The following RSPH14 variants were observed in gnomAD, a reference collection of about 807,000 sequenced individuals.
RSPH14 encodes the protein radial spoke head 14 homolog.
In RSPH14, 20 loss-of-function variants were observed where a neutral mutation model predicts 26.7. The observed-to-expected ratio is 0.75, with a 90% CI of 0.53 to 1.09. The LOEUF is 1.09. Among genes scored for constraint, RSPH14 ranks in the 50% least tolerant of loss-of-function variants. RSPH14 has a pLI of 0.00. For missense variants in RSPH14, 449 were observed against 457.2 expected (o/e 0.98, Z 0.16); for synonymous variants, 177 against 189.3 (o/e 0.93, Z 0.53).
the RSPH14 span, chr22:23,152,528 T>C: frequency 1.9e-6 from 3 of 1,614,042 alleles, no homozygotes; most frequent in Admixed American, 1.7e-5. Flanking sequence ...CATCCACAGG[T>C]ACAAGGCTTC....
chr22:23,064,816 G>A (rs2068169991), intron 4 of RSPH14, among the ~76,000 whole-genome samples: 1 of 152,144 alleles, frequency 6.6e-6, no homozygotes, highest in African/African-American at 2.4e-5. Flanking sequence ...ATGAGGCAAG[G>A]CTCCCCCATA....
chr22:23,122,118 C>A (rs1164510549), intron 4 of RSPH14, among the ~76,000 whole-genome samples: 1 of 152,194 alleles, frequency 6.6e-6, no homozygotes, highest in East Asian at 1.9e-4. Flanking sequence ...ATCTTAGAAG[C>A]AGGGGTAGCT....
At chr22:23,145,258 A>G (rs1442635019), upstream of RSPH14, 4 of 189,292 alleles carry the variant, frequency 2.1e-5, no homozygotes, top group East Asian at 1.2e-4. Context: ...CCCACCGCCC[A>G]CCCATCCAGC....
intron 4 of RSPH14, among the ~76,000 whole-genome samples, chr22:23,084,505 A>G (rs2068764204): frequency 6.6e-6 from 1 of 152,208 alleles, no homozygotes; most frequent in Non-Finnish European, 1.5e-5. Flanking sequence ...GTCAAGGAGC[A>G]TCTGTAGGTG....
At chr22:23,070,370 C>CGGCGGGCGGCGGGCGGCGCGGGAG (rs2068321921) in intron 4 of RSPH14, 2 of 144,120 alleles carry the variant, frequency 1.4e-5, no homozygotes, top group African/African-American at 2.5e-5. Context: ...GGGCGGCGGG[C>CGGCGGGCGGCGGGCGGCGCGGGAG]GGCGGGCGGC....
chr22:23,157,939 C>G, the RSPH14 span: 2 of 1,611,378 alleles, frequency 1.2e-6, no homozygotes, highest in South Asian at 1.1e-5. Flanking sequence ...GGGGAGCCCC[C>G]TTGCTCGCCT....
chr22:23,114,587 G>C (rs559215190), intron 4 of RSPH14, among the ~76,000 whole-genome samples: 54 of 152,362 alleles, frequency 3.5e-4, no homozygotes, highest in African/African-American at 1.3e-3. Context: ...ATCTGCAGCA[G>C]TGCCAGCTGC....
intron 4 of RSPH14, among the ~76,000 whole-genome samples, chr22:23,089,669 G>A (rs13433646): frequency 0.075 from 11,407 of 152,194 alleles, 1,496 homozygotes; most frequent in African/African-American, 0.26. Flanking sequence ...GGCAGGCCGG[G>A]CCTGCTGGAC....
At chr22:23,136,221 G>A in intron 3 of RSPH14, 2 of 710,752 alleles carry the variant, frequency 2.8e-6, no homozygotes, top group Non-Finnish European at 5.2e-6. Flanking sequence ...AGGCTGCCAG[G>A]AAGCTCTCTT....
Position 23,090,850 on chromosome 22 carries a change from C to G in RSPH14, c.422-26717G>C, listed in dbSNP as rs146724730. Among the ~76,000 whole-genome samples, 508 of 152,336 alleles carry G rather than the reference C, an allele frequency of 3.3e-3. 1 individual carries two copies. Among genetic ancestry groups the G allele is most frequent in the South Asian group, 6.4e-3 (31 of 4,828 alleles). ...CTGCCTGTAGTCTGACTCCTGCCCT[C>G]CCACCTGAGCAAAAATAGGGAATAG... On this transcript the variant is annotated intron_variant, in intron 4 of 6. Coordinates refer to ENST00000216036, the MANE Select transcript of RSPH14 (RefSeq NM_014433.3).
chr22:23,096,662 G>A (rs1001265143), intron 4 of RSPH14, among the ~76,000 whole-genome samples: 3 of 152,202 alleles, frequency 2.0e-5, no homozygotes, highest in African/African-American at 7.2e-5. Flanking sequence ...GCAAGAGAGT[G>A]TGAGGCTCCG....
At chr22:23,064,629 T>A (rs1199255927) in intron 4 of RSPH14, among the ~76,000 whole-genome samples, 1 of 152,070 alleles carries the variant, frequency 6.6e-6, no homozygotes, top group East Asian at 1.9e-4. Context: ...AAGAGCTTGG[T>A]TTTGACTCTG....
intron 4 of RSPH14, among the ~76,000 whole-genome samples, chr22:23,075,395 T>C (rs1482673896): frequency 6.6e-6 from 1 of 152,188 alleles, no homozygotes; most frequent in Non-Finnish European, 1.5e-5. Context: ...CTGTGGACCC[T>C]TGGGCAAGAG....
At chr22:23,170,011 C>T in the RSPH14 span, among the ~76,000 whole-genome samples, 2 of 150,976 alleles carry the variant, frequency 1.3e-5, no homozygotes, top group Non-Finnish European at 2.9e-5. Flanking sequence ...GTGGAAGGAT[C>T]GCTTGGGCCC....
At chr22:23,122,941 G>A in intron 4 of RSPH14, 1 of 615,164 alleles carries the variant, frequency 1.6e-6, no homozygotes, top group South Asian at 2.0e-5. Context: ...ATTTAACCTG[G>A]GCTTCCCCAG....
chr22:23,140,058 CAATA>C (rs1426658745), intron 2 of RSPH14, among the ~76,000 whole-genome samples, 160 bp downstream of exon 2: 8 of 152,258 alleles, frequency 5.3e-5, no homozygotes, highest in Admixed American at 5.2e-4. Context: ...GACCCTCCCT[CAATA>C]AATAAACATT....
chr22:23,161,430 C>T, the RSPH14 span: 47 of 1,343,252 alleles, frequency 3.5e-5, no homozygotes, highest in Middle Eastern at 1.8e-4. Flanking sequence ...CTGTCAGGGC[C>T]GGCATCCCCT....
chr22:23,096,195 A>G (rs1475853215), intron 4 of RSPH14: 1 of 1,613,482 alleles, frequency 6.2e-7, no homozygotes, highest in African/African-American at 1.3e-5. Flanking sequence ...GCCGCAGCTG[A>G]CTATATCCCC....
upstream of RSPH14, among the ~76,000 whole-genome samples, chr22:23,147,481 C>A (rs569064672): frequency 6.6e-6 from 1 of 152,110 alleles, no homozygotes; most frequent in Non-Finnish European, 1.5e-5. Context: ...CAGGCATGTG[C>A]TACCATGCCT....
Sources: allele counts gnomAD v4.1 joint callset (sites outside exome capture counted in the v4.1 genomes callset), GRCh38; gene constraint gnomAD v4.1.1; transcripts MANE v1.5; gene names NCBI Gene and HGNC (gene_info 2026-07-23, HGNC 2026-07-21).